The following LRRC37A3 variants were observed in gnomAD, a reference collection of about 807,000 sequenced individuals.
The protein encoded by LRRC37A3 is leucine rich repeat containing 37 member A3.
In LRRC37A3, 25 loss-of-function variants were observed where a neutral mutation model predicts 106.2. The ratio of observed to expected loss-of-function variants is 0.24; its 90% CI spans 0.17 to 0.33. The LOEUF is 0.33. Ranked by LOEUF, LRRC37A3 falls within the 10% of genes least tolerant of loss-of-function variation. The pLI is 1.00. For synonymous variants in LRRC37A3, 305 were observed against 635.8 expected, an observed-to-expected ratio of 0.48 and a Z score of 7.83; for missense variants, 712 against 1,644.9, an observed-to-expected ratio of 0.43 and a Z score of 9.81.
At chr17:64,893,991 A>G (rs1197598287) in intron 4 of LRRC37A3, among the ~76,000 whole-genome samples, 1 of 146,808 alleles carries the variant, frequency 6.8e-6, no homozygotes, top group Admixed American at 6.6e-5. Flanking sequence ...AGACAGTAGC[A>G]TACTTGGCCC....
intron 8 of LRRC37A3, among the ~76,000 whole-genome samples, chr17:64,878,611 C>A (rs1277340105): frequency 6.6e-6 from 1 of 152,116 alleles, no homozygotes; most frequent in Non-Finnish European, 1.5e-5. Flanking sequence ...AGGGAAATGT[C>A]CATCAAAAAC....
At chr17:64,864,451 T>G (rs557806552) in intron 10 of LRRC37A3, among the ~76,000 whole-genome samples, 4 of 152,222 alleles carry the variant, frequency 2.6e-5, no homozygotes. Context: ...TTCTTTCATC[T>G]TTCTGGCTTG....
At chr17:64,899,685 G>GT (rs1974250950) in intron 2 of LRRC37A3, 1 of 146,466 alleles carries the variant, frequency 6.8e-6, no homozygotes, top group Admixed American at 6.6e-5. Context: ...CTTAAGGCCA[G>GT]TTACCTTCTC....
intron 8 of LRRC37A3, among the ~76,000 whole-genome samples, chr17:64,879,885 TG>T (rs1485706799): frequency 6.6e-6 from 1 of 152,042 alleles, no homozygotes; most frequent in African/African-American, 2.4e-5. Context: ...GGTAACAAAG[TG>T]AGACCCTGTT....
chr17:64,899,523 C>T (rs1471222021), intron 2 of LRRC37A3, among the ~76,000 whole-genome samples: 1 of 143,394 alleles, frequency 7.0e-6, no homozygotes, highest in Non-Finnish European at 1.5e-5. Context: ...ACTGTTGACG[C>T]AAACTTCATT....
At chr17:64,863,100 G>T in intron 10 of LRRC37A3, 82 bp from the exon 11 acceptor site, 1 of 1,569,496 alleles carries the variant, frequency 6.4e-7, no homozygotes, top group Non-Finnish European at 8.7e-7. Context: ...CACTACCACA[G>T]GGGTGGGAAA....
At chr17:64,916,437 G>A (rs561144923) in intron 2 of LRRC37A3, among the ~76,000 whole-genome samples, 1 of 151,834 alleles carries the variant, frequency 6.6e-6, no homozygotes, top group African/African-American at 2.4e-5. Flanking sequence ...AATAAAAGAA[G>A]AATAACAATA....
intron 2 of LRRC37A3, among the ~76,000 whole-genome samples, chr17:64,913,494 C>A (rs1410064695): frequency 1.3e-5 from 2 of 152,008 alleles, no homozygotes; most frequent in East Asian, 1.9e-4. Flanking sequence ...ACGTGTGCCA[C>A]CACACTAGGC....
rs1382428404 is a variant in LRRC37A3 at position 64,862,995 on chromosome 17, C to G, written c.3077G>C (p.Cys1026Ser). The G allele has an allele frequency of 6.3e-7, 1 of 1,598,006 alleles. No individual in the cohort carries two copies. The highest frequency in any genetic ancestry group is 1.1e-5 in the South Asian group (1 of 91,008). The change falls in exon 11 of 15, where the codon TGC becomes TCC. Residue 1026 changes from cysteine to serine, a missense_variant. Coordinates refer to ENST00000584306, the MANE Select transcript of LRRC37A3 (RefSeq NM_199340.5). ...GCTGTTTTTAAATTGGCAGAGGCAG[C>G]AGGCCATATGGCTAGGTACGATCCT... is the stretch of plus-strand genomic sequence containing the variant. ...EKLIVPSHMA[C>S]CLCQFKNSIE...
intron 2 of LRRC37A3, among the ~76,000 whole-genome samples, chr17:64,912,350 TAC>T (rs1380191382): frequency 6.6e-6 from 1 of 151,384 alleles, no homozygotes; most frequent in Non-Finnish European, 1.5e-5. Flanking sequence ...TATACACACA[TAC>T]ACACACACAT....
rs772294642 is a variant in LRRC37A3, at chr17:64,860,474, C to G, written c.3672G>C (p.Glu1224Asp). Reference sequence around the variant, plus strand: ...TGTAGACGGCGTTTCCCGCTAACTTCTCAGGCCCCTGCTGTGTGTGAGGCT... The same window carrying G: ...TGTAGACGGCGTTTCCCGCTAACTTGTCAGGCCCCTGCTGTGTGTGAGGCT... ...LKQPHTQQGP[E>D]KLAGNAVYTK... is the part of the protein sequence containing the mutation. The change falls in exon 12 of 15, where the codon GAG (glutamate) becomes GAC (aspartate). Residue 1224 changes from glutamate to aspartate, a missense_variant. Transcript: ENST00000584306. 15 of 1,613,368 alleles carry G rather than the reference C, an allele frequency of 9.3e-6. No individual in the cohort carries two copies. The African/African-American group carries it at 1.9e-4, about 20-fold the overall frequency.
At chr17:64,899,398 C>T (rs1176044870) in intron 2 of LRRC37A3, among the ~76,000 whole-genome samples, 2 of 141,506 alleles carry the variant, frequency 1.4e-5, no homozygotes, top group African/African-American at 5.7e-5. Context: ...CCAGCCTGGA[C>T]AACAGAGTGA....
intron 8 of LRRC37A3, among the ~76,000 whole-genome samples, chr17:64,873,959 G>C (rs1309016658): frequency 2.6e-5 from 4 of 152,072 alleles, no homozygotes; most frequent in Admixed American, 6.5e-5. Flanking sequence ...ACTACAAGTA[G>C]GAAAAACTGA....
chr17:64,854,663 T>G lies in LRRC37A3; in HGVS notation c.4860-19A>C. On this transcript the variant is annotated intron_variant, in intron 14 of 14. Transcript: ENST00000584306. ...GCTGTCCCTGGGATAAGAATAACAA[T>G]GCCAAGGTTTTGATTCTTGAAAGGA... The G allele has an allele frequency of 6.2e-7, 1 of 1,613,062 alleles. No individual in the cohort carries two copies. The highest frequency in any genetic ancestry group is 1.1e-5 in the South Asian group (1 of 91,032).
intron 8 of LRRC37A3, among the ~76,000 whole-genome samples, chr17:64,870,637 G>A (rs891621397): frequency 2.6e-5 from 4 of 152,074 alleles, no homozygotes; most frequent in African/African-American, 9.7e-5. Context: ...GGCACAGAGA[G>A]GTTATATAAC....
At chr17:64,912,979 G>C (rs1396850496) in intron 2 of LRRC37A3, among the ~76,000 whole-genome samples, 2 of 148,094 alleles carry the variant, frequency 1.4e-5, no homozygotes, top group Admixed American at 1.3e-4. Context: ...GTCAAAAACA[G>C]TATTATACTA....
At chr17:64,863,661 T>G (rs916804161) in intron 10 of LRRC37A3, 1 of 153,210 alleles carries the variant, frequency 6.5e-6, no homozygotes, top group Non-Finnish European at 1.5e-5. Flanking sequence ...TTTTTAAAAG[T>G]GTCACTTTGC....
At chr17:64,918,209 GA>G (rs956546498) in intron 2 of LRRC37A3, among the ~76,000 whole-genome samples, 5 of 149,028 alleles carry the variant, frequency 3.4e-5, no homozygotes, top group Non-Finnish European at 7.4e-5. Flanking sequence ...AACTTAAACA[GA>G]AAAAAAATTG....
intron 8 of LRRC37A3, among the ~76,000 whole-genome samples, chr17:64,884,497 C>G (rs182761505): frequency 6.6e-6 from 1 of 150,998 alleles, no homozygotes. Context: ...TCCTGAGTAC[C>G]TAGGATTACA....
Sources: gnomAD v4.1 joint callset for allele counts (sites outside exome capture counted in the v4.1 genomes callset) on GRCh38, gnomAD v4.1.1 for gene constraint, MANE v1.5 for transcripts, NCBI Gene and HGNC (gene_info 2026-07-23, HGNC 2026-07-21) for gene names.